Variants in MAPK4 observed in about 807,000 individuals in gnomAD.
MAPK4 encodes the protein mitogen-activated protein kinase 4.
MAPK4 carries 22 observed loss-of-function variants against 47.7 expected under a neutral mutation model. That is an observed-to-expected ratio of 0.46 (90% confidence interval 0.33 to 0.66). The LOEUF (loss-of-function observed/expected upper bound fraction) is 0.66, where lower values mean the gene tolerates loss of function less well. Ranked by LOEUF, MAPK4 falls within the 30% of genes least tolerant of loss-of-function variation. The pLI is 0.02. For synonymous variants in MAPK4, 390 were observed against 365.7 expected, an observed-to-expected ratio of 1.07 and a Z score of -0.76; for missense variants, 736 against 831.7, an observed-to-expected ratio of 0.88 and a Z score of 1.42.
intron 2 of MAPK4, among the ~76,000 whole-genome samples, chr18:50,694,631 T>G (rs1909406186): frequency 6.6e-6 from 1 of 152,206 alleles, no homozygotes; most frequent in Non-Finnish European, 1.5e-5. Flanking sequence ...AATGTGGGAA[T>G]ATCGGGCCCA....
chr18:50,671,454 G>A (rs963738469), intron 2 of MAPK4, among the ~76,000 whole-genome samples: 1 of 152,192 alleles, frequency 6.6e-6, no homozygotes, highest in Non-Finnish European at 1.5e-5. Flanking sequence ...CTGATTGAGG[G>A]CTCAGCAAAT....
At chr18:50,686,173 C>T (rs746816912) in intron 2 of MAPK4, among the ~76,000 whole-genome samples, 4 of 152,196 alleles carry the variant, frequency 2.6e-5, no homozygotes, top group African/African-American at 4.8e-5. Flanking sequence ...TCTGAACCTT[C>T]TGCAGACCAA....
rs1027786463 is a variant in MAPK4, at chr18:50,721,304, C to T, written c.692-634C>T. On this transcript the variant is annotated intron_variant, in intron 3 of 5. Transcript: ENST00000400384. ...TGATGCCTGGCATGGAGAAGGTGCT[C>T]GATAAATAACTATTTATGGAATGAG... 4.6e-5 allele frequency among the ~76,000 whole-genome samples: 7 copies of T among 152,172 alleles called. No individual in the cohort carries two copies. In the South Asian group the frequency reaches 8.3e-4, roughly 18 times the overall value.
intron 1 of MAPK4, among the ~76,000 whole-genome samples, chr18:50,589,602 A>AG (rs2042418968): frequency 6.6e-6 from 1 of 151,734 alleles, no homozygotes; most frequent in African/African-American, 2.4e-5. Flanking sequence ...TCTCAAAAAA[A>AG]AAAAAAAAAA....
chr18:50,616,074 G>A (rs913298409), intron 1 of MAPK4, among the ~76,000 whole-genome samples: 2 of 152,130 alleles, frequency 1.3e-5, no homozygotes, highest in Admixed American at 1.3e-4. Context: ...TTCAGGTGTC[G>A]GGGACTGGCT....
chr18:50,707,696 G>C (rs2144406940), intron 2 of MAPK4, among the ~76,000 whole-genome samples: 1 of 152,100 alleles, frequency 6.6e-6, no homozygotes, highest in Non-Finnish European at 1.5e-5. Flanking sequence ...TATGGTATGT[G>C]TATTTTATTA....
chr18:50,635,959 A>G (rs956324039), intron 1 of MAPK4, among the ~76,000 whole-genome samples: 4 of 152,198 alleles, frequency 2.6e-5, no homozygotes, highest in Non-Finnish European at 4.4e-5. Flanking sequence ...ACATGGTCAC[A>G]TGGTCTAATC....
chr18:50,615,916 C>T (rs1336501458), intron 1 of MAPK4, among the ~76,000 whole-genome samples: 1 of 152,188 alleles, frequency 6.6e-6, no homozygotes, highest in Non-Finnish European at 1.5e-5. Flanking sequence ...TTCAAATCTA[C>T]AACCAGCCAC....
At chr18:50,703,923 C>T (rs1270731972) in intron 2 of MAPK4, among the ~76,000 whole-genome samples, 2 of 152,204 alleles carry the variant, frequency 1.3e-5, no homozygotes, top group African/African-American at 2.4e-5. Context: ...AGGTGAGACT[C>T]CTGCACCCAG....
intron 1 of MAPK4, among the ~76,000 whole-genome samples, chr18:50,590,805 G>A (rs2042430398): frequency 1.3e-5 from 2 of 152,074 alleles, no homozygotes; most frequent in Non-Finnish European, 2.9e-5. Flanking sequence ...TAATTACTAT[G>A]TCCCTTTTCA....
At chr18:50,578,696 G>A (rs903477813) in intron 1 of MAPK4, among the ~76,000 whole-genome samples, 1 of 152,228 alleles carries the variant, frequency 6.6e-6, no homozygotes, top group Non-Finnish European at 1.5e-5. Flanking sequence ...AAGCTTTGCT[G>A]CTATAAGGAA....
chr18:50,611,260 C>A (rs1054514887), intron 1 of MAPK4, among the ~76,000 whole-genome samples: 1 of 152,196 alleles, frequency 6.6e-6, no homozygotes, highest in African/African-American at 2.4e-5. Context: ...TTAGAGACAC[C>A]ATTTCTCCAA....
intron 5 of MAPK4, among the ~76,000 whole-genome samples, chr18:50,728,300 C>T (rs1310204063): frequency 6.6e-6 from 1 of 152,238 alleles, no homozygotes; most frequent in Admixed American, 6.5e-5. Context: ...CCTTCATTTG[C>T]TCTTGGCTAG....
At chr18:50,648,742 C>G (rs953974402) in intron 1 of MAPK4, among the ~76,000 whole-genome samples, 2 of 152,136 alleles carry the variant, frequency 1.3e-5, no homozygotes, top group African/African-American at 4.8e-5. Flanking sequence ...TGAAAGGGGA[C>G]AGGCTGCAGC....
intron 3 of MAPK4, among the ~76,000 whole-genome samples, chr18:50,716,176 C>T (rs562021686): frequency 6.6e-6 from 1 of 152,282 alleles, no homozygotes; most frequent in African/African-American, 2.4e-5. Flanking sequence ...TCCCTCTCTT[C>T]CATTCTCTCC....
intron 1 of MAPK4, among the ~76,000 whole-genome samples, chr18:50,658,051 T>C (rs923554999): frequency 6.6e-6 from 1 of 152,078 alleles, no homozygotes; most frequent in Non-Finnish European, 1.5e-5. Flanking sequence ...ATGGCTGAGG[T>C]TCACAGTTAA....
At chr18:50,716,132 C>T (rs986111739) in intron 3 of MAPK4, among the ~76,000 whole-genome samples, 3 of 152,138 alleles carry the variant, frequency 2.0e-5, no homozygotes, top group Non-Finnish European at 4.4e-5. Context: ...TCGCACTCTC[C>T]CTCTTTGCTA....
chr18:50,655,537 C>G (rs1266920053), intron 1 of MAPK4, among the ~76,000 whole-genome samples: 1 of 152,156 alleles, frequency 6.6e-6, no homozygotes, highest in Non-Finnish European at 1.5e-5. Flanking sequence ...TCCACACGAA[C>G]CACTGCAGCC....
chr18:50,618,053 A>G (rs2042699609), intron 1 of MAPK4, among the ~76,000 whole-genome samples: 1 of 152,188 alleles, frequency 6.6e-6, no homozygotes, highest in Non-Finnish European at 1.5e-5. Flanking sequence ...TGGTTTTCTA[A>G]TATATATCTA....
Sources: gnomAD v4.1 joint callset for allele counts (sites outside exome capture counted in the v4.1 genomes callset) on GRCh38, gnomAD v4.1.1 for gene constraint, MANE v1.5 for transcripts, NCBI Gene and HGNC (gene_info 2026-07-23, HGNC 2026-07-21) for gene names.